Variants in FAM180A observed in about 807,000 individuals in gnomAD.
FAM180A encodes the protein protein FAM180A.
In FAM180A, 14 loss-of-function variants were observed where a neutral mutation model predicts 15.3. The ratio of observed to expected loss-of-function variants is 0.92; its 90% CI spans 0.61 to 1.43. The LOEUF (loss-of-function observed/expected upper bound fraction) is 1.43, where lower values mean the gene tolerates loss of function less well. Ranked by LOEUF, FAM180A falls within the 40% of genes most tolerant of loss-of-function variation. The pLI is 0.00. For missense variants in FAM180A, 200 were observed against 220.8 expected (o/e 0.91, Z 0.60); for synonymous variants, 90 against 96.8 (o/e 0.93, Z 0.41).
intron 2 of FAM180A, among the ~76,000 whole-genome samples, chr7:135,736,235 C>A (rs1040439567): frequency 1.3e-5 from 2 of 152,160 alleles, no homozygotes; most frequent in Admixed American, 6.5e-5. Context: ...GTTGGCCAGG[C>A]TGGTCTTGAA....
intron 1 of FAM180A, among the ~76,000 whole-genome samples, chr7:135,744,204 A>C (rs1260686794): frequency 1.3e-5 from 2 of 152,156 alleles, no homozygotes; most frequent in Non-Finnish European, 2.9e-5. Context: ...ATCTGGGTTA[A>C]AAGTCTCTTT....
intron 1 of FAM180A, among the ~76,000 whole-genome samples, chr7:135,745,958 G>GA (rs1292013935): frequency 1.3e-5 from 2 of 151,028 alleles, no homozygotes; most frequent in African/African-American, 2.4e-5. Context: ...ATTCAGTCTT[G>GA]AAAAAAAAGA....
chr7:135,735,640 C>T (rs528612919), intron 2 of FAM180A, among the ~76,000 whole-genome samples: 34 of 152,304 alleles, frequency 2.2e-4, no homozygotes, highest in African/African-American at 6.3e-4. Context: ...AGTCTGGTTC[C>T]CAAGGCAGGA....
chr7:135,741,802 G>T (rs1016022532), intron 1 of FAM180A, among the ~76,000 whole-genome samples: 1 of 148,744 alleles, frequency 6.7e-6, no homozygotes, highest in African/African-American at 2.5e-5. Context: ...TAGCCTGGGC[G>T]ATAGAGTGAG....
At chr7:135,747,323 G>T (rs913275745) in intron 1 of FAM180A, among the ~76,000 whole-genome samples, 1 of 152,104 alleles carries the variant, frequency 6.6e-6, no homozygotes, top group African/African-American at 2.4e-5. Context: ...AGGGAGGGGT[G>T]TACGTGTGTA....
intron 3 of FAM180A, 147 bp downstream of exon 3, chr7:135,733,499 A>C (rs953098284): frequency 1.6e-5 from 4 of 252,946 alleles, no homozygotes; most frequent in Non-Finnish European, 1.2e-5. Flanking sequence ...GGTGTGCGCC[A>C]CCACGTCCGG....
At position 135,737,167 on chromosome 7, in the gene FAM180A, T is replaced by A. The variant is rs765093483; in HGVS notation, c.109A>T (p.Arg37Trp). 6.2e-7 allele frequency: 1 copy of A among 1,608,094 alleles called. No individual in the cohort carries two copies. Among genetic ancestry groups the A allele is most frequent in the Admixed American group, 1.7e-5 (1 of 58,338 alleles). ...GGGTTCAATGGCAGTGATGAGGACC[T>A]CTTTGGCCGGTGGGCGGCAGGGAAG... ...VLFPAAHRPK[R>W]SSSLPLNPVL... Residue 37 changes from arginine to tryptophan, a missense_variant, in exon 2 of 4, where the codon AGG (arginine) becomes TGG (tryptophan). By Grantham distance (101) the Arg-to-Trp change is moderately radical. Coordinates refer to ENST00000338588, the MANE Select transcript of FAM180A (RefSeq NM_205855.4).
At chr7:135,734,851 A>G (rs1484217352) in intron 2 of FAM180A, among the ~76,000 whole-genome samples, 2 of 152,188 alleles carry the variant, frequency 1.3e-5, no homozygotes, top group African/African-American at 2.4e-5. Flanking sequence ...GCTTTCAAAA[A>G]GAAGGAGTTC....
chr7:135,730,724 T>C (rs11975413), intron 3 of FAM180A, among the ~76,000 whole-genome samples: 3,913 of 152,202 alleles, frequency 0.026, 187 homozygotes, highest in African/African-American at 0.089. Context: ...TGAGGCAAAA[T>C]AGGAGACCCT....
intron 3 of FAM180A, among the ~76,000 whole-genome samples, chr7:135,731,241 G>A (rs1223215566): frequency 1.3e-5 from 2 of 152,000 alleles, no homozygotes; most frequent in African/African-American, 4.8e-5. Flanking sequence ...CAGTGTCTAG[G>A]GACTGAGGCC....
chr7:135,733,534 A>G, intron 3 of FAM180A, 112 bp downstream of exon 3: 1 of 465,784 alleles, frequency 2.1e-6, no homozygotes, highest in Non-Finnish European at 2.8e-6. Flanking sequence ...TTTAGTAGAG[A>G]TGGGTTTTCA....
At chr7:135,746,125 G>T (rs533794991) in intron 1 of FAM180A, among the ~76,000 whole-genome samples, 1 of 152,220 alleles carries the variant, frequency 6.6e-6, no homozygotes, top group South Asian at 2.1e-4. Context: ...CGTCACATCC[G>T]CTGCCTCATA....
chr7:135,748,101 C>A (rs991296244), intron 1 of FAM180A, among the ~76,000 whole-genome samples: 1 of 152,212 alleles, frequency 6.6e-6, no homozygotes, highest in Non-Finnish European at 1.5e-5. Context: ...CCCCAGGGAG[C>A]AGGCCTTTGG....
chr7:135,743,020 T>C (rs1796973993), intron 1 of FAM180A, among the ~76,000 whole-genome samples: 1 of 152,216 alleles, frequency 6.6e-6, no homozygotes, highest in Non-Finnish European at 1.5e-5. Flanking sequence ...CAGTTCTGAA[T>C]AACTACAGAA....
rs7781905 is a variant in FAM180A, at chr7:135,733,957, C to A, written c.*18G>T. The A allele has an allele frequency of 7.2e-3, 11,256 of 1,567,196 alleles. 745 individuals are homozygous for A. In the African/African-American group the frequency reaches 0.14, roughly 19 times the overall value. ...CTGTGCTGGTCCCTGCTCTGAGGTCCTGGTGTGGGCCAGTCTCTCAGGGAG... is the reference window on the plus strand; with the variant it reads ...CTGTGCTGGTCCCTGCTCTGAGGTCATGGTGTGGGCCAGTCTCTCAGGGAG... On this transcript the variant is annotated 3_prime_UTR_variant, in exon 3 of 4. Coordinates refer to ENST00000338588, the MANE Select transcript of FAM180A (RefSeq NM_205855.4).
At chr7:135,740,356 A>C (rs1187258008) in intron 1 of FAM180A, among the ~76,000 whole-genome samples, 3 of 152,248 alleles carry the variant, frequency 2.0e-5, no homozygotes, top group African/African-American at 7.2e-5. Flanking sequence ...TCCTAGTCAG[A>C]GTAAGCTTGA....
At chr7:135,743,184 C>T (rs1281799562) in intron 1 of FAM180A, among the ~76,000 whole-genome samples, 1 of 150,820 alleles carries the variant, frequency 6.6e-6, no homozygotes, top group Non-Finnish European at 1.5e-5. Context: ...GGATCACTCT[C>T]CTGCATCGAT....
intron 1 of FAM180A, 93 bp downstream of exon 1, chr7:135,748,412 C>T (rs186485945): frequency 2.5e-4 from 234 of 931,742 alleles, no homozygotes; most frequent in African/African-American, 2.2e-3. Flanking sequence ...AAGGAGAGTG[C>T]GGGGCTTCTA....
Position 135,734,229 on chromosome 7 carries a change from G to A in FAM180A, c.268C>T (p.Arg90Cys), listed in dbSNP as rs750322620. 8.1e-6 allele frequency: 13 copies of A among 1,614,090 alleles called. No individual in the cohort carries two copies. Among genetic ancestry groups the A allele is most frequent in the South Asian group, 2.2e-5 (2 of 91,092 alleles). The change falls in exon 3 of 4, where the codon CGC (arginine) becomes TGC (cysteine). Residue 90 changes from arginine (R) to cysteine (C), a missense_variant. Physicochemically the swap from Arg to Cys is radical, Grantham distance 180. Transcript: ENST00000338588. ...LASLRKASDF[R>C]TVCNNVIPKS... ...GGGATGACGTTGTTGCAGACGGTGC[G>A]GAAGTCTGAGGCCTTCCGCAAGGAG...
Sources: gnomAD v4.1 joint callset for allele counts (sites outside exome capture counted in the v4.1 genomes callset) on GRCh38, gnomAD v4.1.1 for gene constraint, MANE v1.5 for transcripts, NCBI Gene and HGNC (gene_info 2026-07-23, HGNC 2026-07-21) for gene names.